The following SPAG16 variants were observed in gnomAD, a reference collection of about 807,000 sequenced individuals.
SPAG16 encodes sperm-associated antigen 16 protein.
SPAG16 carries 86 observed loss-of-function variants against 80.4 expected under a neutral mutation model. That is an observed-to-expected ratio of 1.07 (90% CI 0.90 to 1.28). The LOEUF (loss-of-function observed/expected upper bound fraction) is 1.28. Ranked by LOEUF, SPAG16 falls within the 50% of genes most tolerant of loss-of-function variation. The probability of loss-of-function intolerance (pLI) is 0.00; values close to 1 mark genes in which losing one functional copy is unlikely to be tolerated. For synonymous variants in SPAG16, 294 were observed against 265.9 expected, an observed-to-expected ratio of 1.11 and a Z score of -1.03; for missense variants, 870 against 765.3, an observed-to-expected ratio of 1.14 and a Z score of -1.61.
intron 12 of SPAG16, among the ~76,000 whole-genome samples, chr2:213,952,527 G>T (rs868250509): frequency 2.0e-5 from 3 of 152,046 alleles, no homozygotes; most frequent in Non-Finnish European, 2.9e-5. Flanking sequence ...ATCTTCACAT[G>T]CAAAATTAAA....
In SPAG16 at chr2:213,490,013, TAAAG is replaced by T; in HGVS notation, c.998_1001del (p.Glu333ValfsTer11). 1.2e-6 allele frequency: 2 copies of T among 1,611,140 alleles called. No individual in the cohort carries two copies. The highest frequency in any genetic ancestry group is 1.7e-6 in the Non-Finnish European group (2 of 1,178,670). Reference sequence around the variant, plus strand: ...AACCAAATCCAAACCTGAATGTTTCTAAAGAAAGTCTTTCTCCAGCAAAATTTGA... The same window carrying T: ...AACCAAATCCAAACCTGAATGTTTCTAAAGTCTTTCTCCAGCAAAATTTGA... On this transcript the variant is annotated frameshift_variant, in exon 10 of 16. Transcript: ENST00000331683. LOFTEE classifies it high-confidence loss of function.
intron 15 of SPAG16, among the ~76,000 whole-genome samples, chr2:214,204,311 C>T (rs2058087046): frequency 6.6e-6 from 1 of 152,226 alleles, no homozygotes; most frequent in Admixed American, 6.5e-5. Flanking sequence ...ACCTGATCCT[C>T]CCTATACTAC....
At chr2:214,113,862 A>G (rs866437684) in intron 14 of SPAG16, among the ~76,000 whole-genome samples, 49 of 152,080 alleles carry the variant, frequency 3.2e-4, no homozygotes, top group African/African-American at 1.1e-3. Context: ...GCTTTGTTCC[A>G]TTGCTGGTGA....
intron 13 of SPAG16, among the ~76,000 whole-genome samples, chr2:214,062,755 T>C (rs1323068578): frequency 6.6e-6 from 1 of 151,302 alleles, no homozygotes; most frequent in Non-Finnish European, 1.5e-5. Context: ...CATGTGACTC[T>C]GATCAGTCAC....
Position 214,027,086 on chromosome 2 carries a change from A to G in SPAG16, c.1527+13009A>G, listed in dbSNP as rs202070609. Among the ~76,000 whole-genome samples, 21 of 151,718 alleles carry G rather than the reference A, an allele frequency of 1.4e-4. No homozygotes were observed. The East Asian group carries it at 3.7e-3, about 26-fold the overall frequency. ...TTCATTATCACACAAGTAAAACACT[A>G]TTCAGTGTAGGAAAGAGTAGACTTT... On this transcript the variant is annotated intron_variant, in intron 13 of 15. Coordinates refer to ENST00000331683, the MANE Select transcript of SPAG16 (RefSeq NM_024532.5).
intron 10 of SPAG16, among the ~76,000 whole-genome samples, chr2:213,562,230 T>C (rs2059617714): frequency 6.6e-6 from 1 of 152,188 alleles, no homozygotes; most frequent in Admixed American, 6.5e-5. Flanking sequence ...GAGAAGAAAG[T>C]TCATGTGTTT....
Position 213,980,710 on chromosome 2 carries a change from G to GTATATATATATATATA in SPAG16, c.1401-33240_1401-33239insATATATATATATATAT, listed in dbSNP as rs1320481683. ...ATATAGAATATATGTGTGTGTGTGT[G>GTATATATATATATATA]TGTATATATATATATAGAGAGAGAG... On this transcript the variant is annotated intron_variant, in intron 12 of 15. Transcript: ENST00000331683. 1.8e-4 allele frequency among the ~76,000 whole-genome samples: 21 copies of GTATATATATATATATA among 117,180 alleles called. 1 individual carries two copies. Among genetic ancestry groups the GTATATATATATATATA allele is most frequent in the Non-Finnish European group, 2.7e-4 (16 of 58,762 alleles). The allele number at this position is 117,180 out of a possible 152,430, so 76.9% of individuals were successfully genotyped here.
At chr2:213,481,634 C>A (rs1328816985) in intron 9 of SPAG16, among the ~76,000 whole-genome samples, 2 of 152,192 alleles carry the variant, frequency 1.3e-5, no homozygotes, top group African/African-American at 2.4e-5. Context: ...TGGGGGCAAC[C>A]AGTATGGCTT....
rs188818143 is a variant in SPAG16, at chr2:213,856,566, C to T, written c.1071-5919C>T. Reference sequence around the variant, plus strand: ...TACAGCAGACTTCTGCCTGGACATCCAGGCATGTCTATACATCTTCGGAAA... The same window carrying T: ...TACAGCAGACTTCTGCCTGGACATCTAGGCATGTCTATACATCTTCGGAAA... On this transcript the variant is annotated intron_variant, in intron 10 of 15. Transcript: ENST00000331683. Among the ~76,000 whole-genome samples the T allele has an allele frequency of 5.5e-3, 844 of 152,332 alleles. 6 individuals are homozygous for T. The highest frequency in any genetic ancestry group is 7.6e-3 in the Non-Finnish European group (519 of 68,030).
intron 10 of SPAG16, among the ~76,000 whole-genome samples, chr2:213,633,770 T>A (rs2062249252): frequency 6.6e-6 from 1 of 152,202 alleles, no homozygotes; most frequent in Non-Finnish European, 1.5e-5. Flanking sequence ...TTTATAATTA[T>A]ATGATGACTT....
chr2:213,666,990 G>T (rs1395816008), intron 10 of SPAG16, among the ~76,000 whole-genome samples: 1 of 152,190 alleles, frequency 6.6e-6, no homozygotes, highest in Non-Finnish European at 1.5e-5. Context: ...GTCCAGAAAT[G>T]TATTGATACT....
chr2:213,312,083 T>C (rs1301484650), intron 4 of SPAG16, among the ~76,000 whole-genome samples: 1 of 151,664 alleles, frequency 6.6e-6, no homozygotes, highest in Admixed American at 6.6e-5. Context: ...GATATAACCT[T>C]TCTTTAGGTA....
At chr2:214,335,625 G>A (rs1457481695) in intron 15 of SPAG16, among the ~76,000 whole-genome samples, 1 of 151,852 alleles carries the variant, frequency 6.6e-6, no homozygotes, top group African/African-American at 2.4e-5. Context: ...CTGGCCTATA[G>A]TCCAGTTATA....
At chr2:214,278,853 A>G (rs1364917941) in intron 15 of SPAG16, among the ~76,000 whole-genome samples, 1 of 152,222 alleles carries the variant, frequency 6.6e-6, no homozygotes, top group Non-Finnish European at 1.5e-5. Flanking sequence ...TCAGAAAACA[A>G]GATTCACAGA....
In SPAG16 at chr2:214,030,007, T is replaced by C. The variant is rs184005350; in HGVS notation, c.1527+15930T>C. ...TAAGAACAATCAACATGAGATCTAG[T>C]CTCTCAACCTAATTTTAAGTGCACA... On this transcript the variant is annotated intron_variant, in intron 13 of 15. Coordinates refer to ENST00000331683, the MANE Select transcript of SPAG16 (RefSeq NM_024532.5). Among the ~76,000 whole-genome samples, 110 of 152,214 alleles carry C rather than the reference T, an allele frequency of 7.2e-4. 1 individual carries two copies. Among genetic ancestry groups the C allele is most frequent in the African/African-American group, 2.6e-3 (109 of 41,562 alleles).
intron 12 of SPAG16, among the ~76,000 whole-genome samples, chr2:214,011,216 G>T (rs1446603908): frequency 6.9e-6 from 1 of 145,428 alleles, no homozygotes; most frequent in East Asian, 2.0e-4. Context: ...ATTTAAAGAT[G>T]ATTATTTCAA....
chr2:213,512,779 C>T (rs2075277135), intron 10 of SPAG16, among the ~76,000 whole-genome samples: 1 of 152,068 alleles, frequency 6.6e-6, no homozygotes, highest in African/African-American at 2.4e-5. Context: ...GTACTATCTC[C>T]AGGCATTTCC....
At chr2:213,407,942 GA>G in intron 9 of SPAG16, among the ~76,000 whole-genome samples, 1 of 132,436 alleles carries the variant, frequency 7.6e-6, no homozygotes, top group Non-Finnish European at 1.6e-5. Context: ...GAGAGAGGCA[GA>G]GAGAGACAGG....
chr2:213,361,448 G>T (rs1238803545), intron 7 of SPAG16, among the ~76,000 whole-genome samples: 4 of 150,488 alleles, frequency 2.7e-5, no homozygotes, highest in Non-Finnish European at 4.4e-5. Flanking sequence ...TGTCTGCTTG[G>T]AGAGTCTAGA....
Sources: allele counts gnomAD v4.1 joint callset (sites outside exome capture counted in the v4.1 genomes callset), GRCh38; gene constraint gnomAD v4.1.1; transcripts MANE v1.5; gene names NCBI Gene and HGNC (gene_info 2026-07-23, HGNC 2026-07-21).